The following TENM3 variants were observed in gnomAD, a reference collection of about 807,000 sequenced individuals.
TENM3 encodes the protein teneurin transmembrane protein 3, also known as teneurin-3.
In TENM3, 63 loss-of-function variants were observed where a neutral mutation model predicts 255.1. The observed-to-expected ratio is 0.25, with a 90% CI of 0.20 to 0.30. The LOEUF (loss-of-function observed/expected upper bound fraction) is 0.30, where lower values mean the gene tolerates loss of function less well. Ranked by LOEUF, TENM3 falls within the 10% of genes least tolerant of loss-of-function variation. TENM3 has a pLI of 1.00. For synonymous variants in TENM3, 1,306 were observed against 1,322.3 expected, an observed-to-expected ratio of 0.99 and a Z score of 0.27; for missense variants, 2,929 against 3,461.1, an observed-to-expected ratio of 0.85 and a Z score of 3.86.
intron 24 of TENM3, among the ~76,000 whole-genome samples, chr4:182,778,937 TA>T (rs1764914130): frequency 7.2e-6 from 1 of 139,496 alleles, no homozygotes; most frequent in Non-Finnish European, 1.5e-5. Flanking sequence ...TATAAATATA[TA>T]TTTTTTTCTT....
chr4:181,699,601 T>C, the TENM3 span, among the ~76,000 whole-genome samples: 1 of 152,086 alleles, frequency 6.6e-6, no homozygotes, highest in Admixed American at 6.5e-5. Context: ...TTCCTTTAAA[T>C]TGGGAAGGAG....
the TENM3 span, among the ~76,000 whole-genome samples, chr4:181,625,387 A>G: frequency 6.6e-6 from 1 of 152,112 alleles, no homozygotes; most frequent in African/African-American, 2.4e-5. Context: ...AAGTGCAGAG[A>G]TTTTTCCCTT....
the TENM3 span, among the ~76,000 whole-genome samples, chr4:181,908,383 A>G: frequency 4.6e-5 from 7 of 152,324 alleles, no homozygotes; most frequent in African/African-American, 1.4e-4. Flanking sequence ...GCCTGAGAAC[A>G]GAGCTGTCCA....
chr4:182,651,417 G>A (rs1039981202), intron 5 of TENM3, among the ~76,000 whole-genome samples: 2 of 152,128 alleles, frequency 1.3e-5, no homozygotes, highest in Non-Finnish European at 1.5e-5. Flanking sequence ...TAGGCCGGGC[G>A]CAGTGGCTCA....
At chr4:181,807,891 A>G in the TENM3 span, among the ~76,000 whole-genome samples, 4 of 152,204 alleles carry the variant, frequency 2.6e-5, no homozygotes, top group African/African-American at 7.2e-5. Flanking sequence ...GAGGAGAACT[A>G]TATCCCATAA....
the TENM3 span, among the ~76,000 whole-genome samples, chr4:181,452,783 A>C: frequency 0.012 from 1,883 of 152,316 alleles, 25 homozygotes; most frequent in Non-Finnish European, 0.015. Context: ...AAGGGCTAAC[A>C]CTTTCATTTA....
intron 3 of TENM3, among the ~76,000 whole-genome samples, chr4:182,422,870 G>T (rs1024969557): frequency 6.6e-6 from 1 of 151,956 alleles, no homozygotes; most frequent in African/African-American, 2.4e-5. Flanking sequence ...TATTATTGTT[G>T]CCCCCTTCTT....
chr4:182,476,704 G>T lies in TENM3; in HGVS notation c.512-124220G>T, dbSNP rs78091327. 8.1e-3 allele frequency among the ~76,000 whole-genome samples: 1,232 copies of T among 152,274 alleles called. 14 individuals carry two copies. The highest frequency in any genetic ancestry group is 0.029 in the African/African-American group (1,185 of 41,544). On this transcript the variant is annotated intron_variant, in intron 3 of 27. Coordinates refer to ENST00000511685, the MANE Select transcript of TENM3 (RefSeq NM_001080477.4). ...CAGAAGTGAACTTTTAGGTCTGACA[G>T]TGAGCTGAACAATACTTCCACGGAT...
the TENM3 span, among the ~76,000 whole-genome samples, chr4:181,568,016 T>C: frequency 6.6e-6 from 1 of 151,926 alleles, no homozygotes; most frequent in Non-Finnish European, 1.5e-5. Flanking sequence ...CATCAGAAAA[T>C]AGGAAATGCA....
the TENM3 span, among the ~76,000 whole-genome samples, chr4:182,086,378 C>T: frequency 6.6e-6 from 1 of 152,132 alleles, no homozygotes; most frequent in African/African-American, 2.4e-5. Flanking sequence ...TTCTGAAAAG[C>T]TCTTCATAAT....
At chr4:181,605,545 A>G in the TENM3 span, among the ~76,000 whole-genome samples, 1 of 27,416 alleles carries the variant, frequency 3.6e-5, no homozygotes, top group African/African-American at 7.3e-5. Flanking sequence ...AAAGAAAGAA[A>G]GAAAGAAAGA....
At chr4:181,768,035 C>T in the TENM3 span, among the ~76,000 whole-genome samples, 6 of 152,154 alleles carry the variant, frequency 3.9e-5, no homozygotes, top group Non-Finnish European at 7.3e-5. Flanking sequence ...CAACTGAAAA[C>T]TGTGGAAAAT....
intron 1 of TENM3, among the ~76,000 whole-genome samples, chr4:182,165,954 C>A (rs1172182600): frequency 3.9e-5 from 6 of 151,916 alleles, no homozygotes; most frequent in Non-Finnish European, 7.4e-5. Context: ...AATTTTTTGT[C>A]TTTTTAGTAG....
At chr4:182,715,132 C>T (rs1443923929) in intron 13 of TENM3, among the ~76,000 whole-genome samples, 1 of 152,242 alleles carries the variant, frequency 6.6e-6, no homozygotes, top group Non-Finnish European at 1.5e-5. Flanking sequence ...GATCCGCCCA[C>T]CTCGGCCTCC....
At chr4:182,082,295 T>TAA in the TENM3 span, among the ~76,000 whole-genome samples, 4 of 152,258 alleles carry the variant, frequency 2.6e-5, no homozygotes, top group Middle Eastern at 3.4e-3. Flanking sequence ...ATCTCTTTTA[T>TAA]AAGGGTACTA....
the TENM3 span, among the ~76,000 whole-genome samples, chr4:181,704,128 G>A: frequency 2.6e-5 from 4 of 152,152 alleles, no homozygotes; most frequent in South Asian, 4.1e-4. Flanking sequence ...GCTTCCATCT[G>A]GAGGCTGTGA....
the TENM3 span, among the ~76,000 whole-genome samples, chr4:181,771,863 C>T: frequency 6.6e-6 from 1 of 152,054 alleles, no homozygotes; most frequent in East Asian, 1.9e-4. Flanking sequence ...CTCTTAAATT[C>T]TAAAGATGCT....
At chr4:181,603,379 T>G in the TENM3 span, among the ~76,000 whole-genome samples, 2 of 152,098 alleles carry the variant, frequency 1.3e-5, no homozygotes, top group Non-Finnish European at 2.9e-5. Context: ...GAAAGCATGA[T>G]TTATATATTT....
At chr4:182,088,665 T>A in the TENM3 span, among the ~76,000 whole-genome samples, 1 of 151,990 alleles carries the variant, frequency 6.6e-6, no homozygotes, top group Middle Eastern at 3.4e-3. Flanking sequence ...AAACCCCATC[T>A]CTACTAAAAA....
Sources: allele counts gnomAD v4.1 joint callset (sites outside exome capture counted in the v4.1 genomes callset), GRCh38; gene constraint gnomAD v4.1.1; transcripts MANE v1.5; gene names NCBI Gene and HGNC (gene_info 2026-07-23, HGNC 2026-07-21).